Variants in EXOC2 observed in about 807,000 individuals in gnomAD.
EXOC2 encodes exocyst complex component 2, also known as SEC5-like 1.
Under a neutral mutation model 131.8 loss-of-function variants are expected in EXOC2, and 70 were observed. That is an observed-to-expected ratio of 0.53 (90% CI 0.44 to 0.65). The LOEUF (loss-of-function observed/expected upper bound fraction) is 0.65. Ranked by LOEUF, EXOC2 falls within the 30% of genes least tolerant of loss-of-function variation. EXOC2 has a pLI of 0.00. For synonymous variants in EXOC2, 411 were observed against 398.4 expected, an observed-to-expected ratio of 1.03 and a Z score of -0.38; for missense variants, 923 against 1,108.6, an observed-to-expected ratio of 0.83 and a Z score of 2.38.
At chr6:555,115 C>T in intron 20 of EXOC2, 112 bp downstream of exon 20, 1 of 508,008 alleles carries the variant, frequency 2.0e-6, no homozygotes, top group Non-Finnish European at 3.3e-6. Flanking sequence ...TCGATATGAA[C>T]AATCTTTCTT....
In EXOC2 at chr6:675,574, G is replaced by A. The variant is rs565203813; in HGVS notation, c.-44+17445C>T. Among the ~76,000 whole-genome samples the A allele has an allele frequency of 3.0e-3, 146 of 49,106 alleles. 4 individuals are homozygous for A. The highest frequency in any genetic ancestry group is 7.3e-3 in the African/African-American group (131 of 17,938). The allele number at this position is 49,106 out of a possible 152,430, so 32.2% of individuals were successfully genotyped here. On this transcript the variant is annotated intron_variant, in intron 1 of 27. Transcript: ENST00000230449. ...GGTTCCCCATACTCTTCAACATTAC[G>A]GAAAGGACAGCCTCCTCTGGCAACT...
chr6:497,215 T>C, intron 25 of EXOC2, 152 bp downstream of exon 25: 1 of 598,678 alleles, frequency 1.7e-6, no homozygotes, highest in Non-Finnish European at 2.7e-6. Flanking sequence ...CAATGCTTCA[T>C]GGGTATGGCT....
At chr6:596,453 G>A (rs559456385) in intron 10 of EXOC2, among the ~76,000 whole-genome samples, 1 of 150,414 alleles carries the variant, frequency 6.6e-6, no homozygotes, top group Non-Finnish European at 1.5e-5. Context: ...GTGCAGTCTC[G>A]AACTCCTGGG....
intron 24 of EXOC2, 142 bp downstream of exon 24, chr6:499,503 A>G: frequency 3.1e-6 from 2 of 635,770 alleles, no homozygotes; most frequent in Non-Finnish European, 5.5e-6. Flanking sequence ...AGTGCGAGCA[A>G]GAGCTGAACT....
intron 1 of EXOC2, among the ~76,000 whole-genome samples, chr6:682,471 A>G (rs1764455974): frequency 6.6e-6 from 1 of 152,190 alleles, no homozygotes; most frequent in Admixed American, 6.5e-5. Context: ...AAGTGCTGGG[A>G]TTACAGGTGT....
At chr6:608,907 C>G (rs1760573324) in intron 7 of EXOC2, among the ~76,000 whole-genome samples, 1 of 152,146 alleles carries the variant, frequency 6.6e-6, no homozygotes, top group Admixed American at 6.5e-5. Context: ...AAATGTCTGA[C>G]TATGCTAATA....
intron 1 of EXOC2, among the ~76,000 whole-genome samples, chr6:685,653 G>C (rs1012611927): frequency 2.0e-5 from 3 of 152,130 alleles, no homozygotes; most frequent in Non-Finnish European, 4.4e-5. Context: ...CTGTAATCCA[G>C]TTTTCCAAAT....
chr6:619,568 A>G (rs755388988), intron 4 of EXOC2, 25 bp from the exon 5 acceptor site: 29 of 1,532,890 alleles, frequency 1.9e-5, no homozygotes, highest in Non-Finnish European at 2.6e-5. Context: ...CGTTTAAAAT[A>G]TATTTCAATG....
At chr6:570,132 TTC>T (rs1758186260) in intron 13 of EXOC2, among the ~76,000 whole-genome samples, 1 of 98,098 alleles carries the variant, frequency 1.0e-5, no homozygotes, top group Non-Finnish European at 1.8e-5. Context: ...GACTAATTCT[TTC>T]TCTTTTTTTT....
intron 22 of EXOC2, among the ~76,000 whole-genome samples, chr6:536,821 T>C (rs997990593): frequency 6.6e-6 from 1 of 152,194 alleles, no homozygotes; most frequent in African/African-American, 2.4e-5. Context: ...CTTGATACAA[T>C]GGATCTCATC....
intron 1 of EXOC2, among the ~76,000 whole-genome samples, chr6:663,346 A>G (rs1229006059): frequency 6.6e-6 from 1 of 152,184 alleles, no homozygotes; most frequent in Non-Finnish European, 1.5e-5. Flanking sequence ...AGGGATTCAC[A>G]GCAGAATTCC....
At chr6:502,863 T>A (rs1764309055) in intron 23 of EXOC2, among the ~76,000 whole-genome samples, 1 of 152,228 alleles carries the variant, frequency 6.6e-6, no homozygotes, top group South Asian at 2.1e-4. Context: ...AACTGCTTCA[T>A]ACAAATAACT....
At chr6:662,437 G>A (rs1763463734) in intron 1 of EXOC2, among the ~76,000 whole-genome samples, 1 of 152,108 alleles carries the variant, frequency 6.6e-6, no homozygotes, top group African/African-American at 2.4e-5. Context: ...TAAGAAAATT[G>A]AAATTATATC....
chr6:588,460 C>T (rs1393196631), intron 11 of EXOC2, among the ~76,000 whole-genome samples: 1 of 152,170 alleles, frequency 6.6e-6, no homozygotes, highest in East Asian at 1.9e-4. Flanking sequence ...TCAAGTGATT[C>T]TCCTGCCTCA....
intron 17 of EXOC2, among the ~76,000 whole-genome samples, chr6:561,155 G>A (rs1757680798): frequency 6.6e-6 from 1 of 152,110 alleles, no homozygotes; most frequent in Non-Finnish European, 1.5e-5. Flanking sequence ...TATATATAAA[G>A]TAAGGTACAA....
At chr6:526,656 T>C (rs1765765685) in intron 23 of EXOC2, among the ~76,000 whole-genome samples, 1 of 152,034 alleles carries the variant, frequency 6.6e-6, no homozygotes, top group Non-Finnish European at 1.5e-5. Context: ...GTCAGGCTGG[T>C]CTTGAACTCC....
At chr6:521,377 GAA>G (rs1765462847) in intron 23 of EXOC2, among the ~76,000 whole-genome samples, 1 of 152,138 alleles carries the variant, frequency 6.6e-6, no homozygotes, top group Non-Finnish European at 1.5e-5. Flanking sequence ...AACAGATTCT[GAA>G]AAGTGTCCCA....
intron 1 of EXOC2, among the ~76,000 whole-genome samples, chr6:652,827 G>A (rs1022378816): frequency 1.3e-5 from 2 of 152,126 alleles, no homozygotes; most frequent in Non-Finnish European, 2.9e-5. Context: ...TCACTTTACT[G>A]TACTACTCAG....
chr6:624,802 C>T (rs1364998554), intron 4 of EXOC2, among the ~76,000 whole-genome samples: 1 of 152,226 alleles, frequency 6.6e-6, no homozygotes, highest in Non-Finnish European at 1.5e-5. Context: ...ATCAACACAG[C>T]TAATGAAGCA....
Sources: allele counts gnomAD v4.1 joint callset (sites outside exome capture counted in the v4.1 genomes callset), GRCh38; gene constraint gnomAD v4.1.1; transcripts MANE v1.5; gene names NCBI Gene and HGNC (gene_info 2026-07-23, HGNC 2026-07-21).